The following ADGRL2 variants were observed in gnomAD, a reference collection of about 807,000 sequenced individuals.
ADGRL2 encodes adhesion G protein-coupled receptor L2.
Under a neutral mutation model 157.4 loss-of-function variants are expected in ADGRL2, and 44 were observed. The observed-to-expected ratio is 0.28, with a 90% CI of 0.22 to 0.36. ADGRL2 has a LOEUF of 0.36. Ranked by LOEUF, ADGRL2 falls within the 10% of genes least tolerant of loss-of-function variation. The pLI is 1.00. For synonymous variants in ADGRL2, 585 were observed against 624.7 expected (o/e 0.94, Z 0.95); for missense variants, 1,510 against 1,768.9 (o/e 0.85, Z 2.63).
chr1:81,785,563 A>T (rs1374250481), intron 2 of ADGRL2, among the ~76,000 whole-genome samples: 1 of 151,976 alleles, frequency 6.6e-6, no homozygotes, highest in Non-Finnish European at 1.5e-5. Context: ...CCCTGTCTGT[A>T]CAAAAAAATT....
At chr1:81,450,434 C>T (rs987086650) in intron 2 of ADGRL2, among the ~76,000 whole-genome samples, 5 of 151,854 alleles carry the variant, frequency 3.3e-5, no homozygotes, top group Non-Finnish European at 7.4e-5. Context: ...AGTATTGGCC[C>T]CAGTCTAAAG....
At chr1:81,596,318 G>C (rs541099936) in intron 3 of ADGRL2, 110 of 547,244 alleles carry the variant, frequency 2.0e-4, no homozygotes, top group Middle Eastern at 1.2e-3. Flanking sequence ...TTCTTGTAGT[G>C]ATTCTCAAAC....
chr1:81,861,139 G>A lies in ADGRL2; in HGVS notation c.73+24082G>A, dbSNP rs1038986498. Among the ~76,000 whole-genome samples, 3 of 151,076 alleles carry A rather than the reference G, an allele frequency of 2.0e-5. No individual in the cohort carries two copies. The East Asian group carries it at 5.9e-4, about 30-fold the overall frequency. On this transcript the variant is annotated intron_variant, in intron 2 of 23. Transcript: ENST00000686636. The stretch of plus-strand genomic sequence containing the variant: ...GGGTTCAAGCGATTCTCCTGCCTCA[G>A]CCTCCCAAGTAGCTGGGAATACAGG...
At chr1:81,720,992 C>T (rs1396162276) in intron 1 of ADGRL2, among the ~76,000 whole-genome samples, 1 of 150,062 alleles carries the variant, frequency 6.7e-6, no homozygotes, top group Non-Finnish European at 1.5e-5. Context: ...AATTTAATAA[C>T]AGCTTTTCAG....
intron 1 of ADGRL2, among the ~76,000 whole-genome samples, chr1:81,391,854 G>A (rs970513148): frequency 2.6e-5 from 4 of 152,094 alleles, no homozygotes; most frequent in Admixed American, 2.6e-4. Context: ...GTTTTGAAAT[G>A]CAATACATCT....
At chr1:81,985,996 CA>C (rs1663038636) in intron 21 of ADGRL2, among the ~76,000 whole-genome samples, 2 of 151,900 alleles carry the variant, frequency 1.3e-5, no homozygotes, top group Non-Finnish European at 2.9e-5. Flanking sequence ...GAATTTATTA[CA>C]ATGAAATATA....
In ADGRL2 at chr1:81,943,859, T is replaced by C. The variant is rs1648880960; in HGVS notation, c.1210+90T>C. 1 of 1,002,368 alleles carries C rather than the reference T, an allele frequency of 1.0e-6. No individual in the cohort carries two copies. The allele number at this position is 1,002,368 out of a possible 1,614,324, so 62.1% of individuals were successfully genotyped here. A position where few individuals can be genotyped will look rare whatever the true frequency, so the allele number is the denominator to read the frequency against. On this transcript the variant is annotated intron_variant, in intron 6 of 23. Transcript: ENST00000686636. This position sits in a 1 kb window ranked among gnomAD's most constrained non-coding sequence, Gnocchi z 5.6. ...TCTTAATTTTTTTTTCCTATTTTCT[T>C]CCCCTTTTCATAGTTAAAGGACAAA...
intron 3 of ADGRL2, among the ~76,000 whole-genome samples, chr1:81,626,604 C>T (rs1235615587): frequency 6.6e-6 from 1 of 152,212 alleles, no homozygotes; most frequent in African/African-American, 2.4e-5. Flanking sequence ...AGCTATAAAA[C>T]AGGACAAGTG....
chr1:81,532,942 T>TCCTA (rs368585475), intron 2 of ADGRL2, among the ~76,000 whole-genome samples: 1 of 150,122 alleles, frequency 6.7e-6, no homozygotes, highest in Non-Finnish European at 1.5e-5. Context: ...CAACAAAAAA[T>TCCTA]TCTATCTATC....
At chr1:81,837,632 T>A (rs557934260) in intron 2 of ADGRL2, among the ~76,000 whole-genome samples, 4 of 152,138 alleles carry the variant, frequency 2.6e-5, no homozygotes, top group Non-Finnish European at 5.9e-5. Flanking sequence ...TAAGCACTAT[T>A]GCATTAAACA....
At chr1:81,344,488 C>A (rs2100786783) in intron 1 of ADGRL2, among the ~76,000 whole-genome samples, 1 of 151,974 alleles carries the variant, frequency 6.6e-6, no homozygotes, top group Admixed American at 6.6e-5. Flanking sequence ...ACCAGCCTGA[C>A]CAACATGGAG....
At chr1:81,817,925 A>G (rs922376336) in intron 1 of ADGRL2, among the ~76,000 whole-genome samples, 1 of 152,004 alleles carries the variant, frequency 6.6e-6, no homozygotes, top group African/African-American at 2.4e-5. Context: ...AGCGCCATAG[A>G]GGATGAAGTG....
chr1:81,639,161 C>G (rs1296563928), intron 3 of ADGRL2, among the ~76,000 whole-genome samples: 1 of 152,170 alleles, frequency 6.6e-6, no homozygotes, highest in African/African-American at 2.4e-5. Flanking sequence ...CCTCCGCCTC[C>G]CAGGTTCAAG....
intron 2 of ADGRL2, among the ~76,000 whole-genome samples, chr1:81,785,231 A>G (rs2086988401): frequency 6.6e-6 from 1 of 152,148 alleles, no homozygotes; most frequent in African/African-American, 2.4e-5. Flanking sequence ...GGTAGGCAGG[A>G]GTTTGTGTGC....
intron 1 of ADGRL2, among the ~76,000 whole-genome samples, chr1:81,414,705 C>G (rs961180512): frequency 6.6e-6 from 1 of 152,194 alleles, no homozygotes; most frequent in Non-Finnish European, 1.5e-5. Flanking sequence ...ATCAGTGTTT[C>G]TGGCACTGTT....
chr1:81,806,715 T>C (rs2089212033), intron 1 of ADGRL2, among the ~76,000 whole-genome samples: 1 of 152,078 alleles, frequency 6.6e-6, no homozygotes, highest in Admixed American at 6.5e-5. Context: ...AGGTTAAACA[T>C]ACTTGTACCT....
chr1:81,762,620 A>G (rs1330774072), intron 2 of ADGRL2, among the ~76,000 whole-genome samples: 2 of 151,914 alleles, frequency 1.3e-5, no homozygotes, highest in Non-Finnish European at 2.9e-5. Context: ...CTCATTGTAG[A>G]AAAAAAAGTC....
At chr1:81,964,645 T>A (rs1181217426) in intron 11 of ADGRL2, among the ~76,000 whole-genome samples, 1 of 152,076 alleles carries the variant, frequency 6.6e-6, no homozygotes, top group Admixed American at 6.6e-5. Flanking sequence ...TTAAAAAAAT[T>A]AGTATCCAAG....
chr1:81,356,086 G>A (rs1030782115), intron 1 of ADGRL2, among the ~76,000 whole-genome samples: 4 of 152,040 alleles, frequency 2.6e-5, no homozygotes, highest in African/African-American at 9.7e-5. Flanking sequence ...TTTGCCAGTG[G>A]GAAGAGATAA....
Sources: gnomAD v4.1 joint callset for allele counts (sites outside exome capture counted in the v4.1 genomes callset) on GRCh38, gnomAD v4.1.1 for gene constraint, Gnocchi (gnomAD v3.1) non-coding constraint, MANE v1.5 for transcripts, NCBI Gene and HGNC (gene_info 2026-07-23, HGNC 2026-07-21) for gene names.